The following AIDA variants were observed in gnomAD, a reference collection of about 807,000 sequenced individuals.
The protein encoded by AIDA is axin interactor, dorsalization-associated protein.
AIDA carries 18 observed loss-of-function variants against 42.7 expected under a neutral mutation model. The observed-to-expected ratio is 0.42, with a 90% CI of 0.29 to 0.63. The LOEUF is 0.63. Among genes scored for constraint, AIDA ranks in the 20% least tolerant of loss-of-function variants. The probability of loss-of-function intolerance (pLI) is 0.19; values close to 1 mark genes in which losing one functional copy is unlikely to be tolerated. For missense variants in AIDA, 250 were observed against 354.1 expected (o/e 0.71, Z 2.36); for synonymous variants, 104 against 122.9 (o/e 0.85, Z 1.02).
chr1:222,709,474 G>T (rs1264216186), intron 1 of AIDA, among the ~76,000 whole-genome samples: 2 of 152,136 alleles, frequency 1.3e-5, no homozygotes, highest in African/African-American at 4.8e-5. Flanking sequence ...ATTTTTGATT[G>T]TGGTAAGTAC....
chr1:222,704,907 G>T (rs888825623), intron 1 of AIDA, among the ~76,000 whole-genome samples: 2 of 151,972 alleles, frequency 1.3e-5, no homozygotes, highest in Non-Finnish European at 2.9e-5. Flanking sequence ...TGGGCAATAG[G>T]AACAGGAATA....
chr1:222,694,833 C>A (rs909456161), intron 2 of AIDA, among the ~76,000 whole-genome samples: 2 of 152,060 alleles, frequency 1.3e-5, no homozygotes, highest in African/African-American at 4.8e-5. Context: ...GCTCATGTTG[C>A]ATTAGGAGAG....
At chr1:222,685,244 T>C (rs900302891) in intron 6 of AIDA, among the ~76,000 whole-genome samples, 15 of 152,184 alleles carry the variant, frequency 9.9e-5, no homozygotes, top group Non-Finnish European at 2.9e-5. Flanking sequence ...AAAAATACAA[T>C]GCTAAATGGT....
intron 5 of AIDA, 107 bp from the exon 6 acceptor site, chr1:222,687,143 TG>T: frequency 6.6e-7 from 1 of 1,511,694 alleles, no homozygotes; most frequent in Admixed American, 2.1e-5. Flanking sequence ...AAAAAAATGC[TG>T]ATAGGCCGGG....
intron 6 of AIDA, among the ~76,000 whole-genome samples, chr1:222,677,371 G>T (rs376988542): frequency 6.6e-6 from 1 of 152,030 alleles, no homozygotes; most frequent in Non-Finnish European, 1.5e-5. Context: ...CAAATAAAGG[G>T]ACAGGTTTCC....
rs1388214863 is a variant in AIDA, at chr1:222,669,586, T to C, written c.*307A>G. ...TGAGCACATCCTACCCACAACAGTA[T>C]TGTTCCAGGAAGCAGGGTAGGAGTA... On this transcript the variant is annotated 3_prime_UTR_variant, in exon 10 of 10. Coordinates refer to ENST00000340020, the MANE Select transcript of AIDA (RefSeq NM_022831.4). 2 of 272,838 alleles carry C rather than the reference T, an allele frequency of 7.3e-6. No individual in the cohort carries two copies. Among genetic ancestry groups the C allele is most frequent in the South Asian group, 4.8e-5 (1 of 21,022 alleles). 16.9% of individuals were successfully genotyped at this position (272,838 alleles called of 1,614,324 possible). A position where few individuals can be genotyped will look rare whatever the true frequency, so the allele number is the denominator to read the frequency against.
At chr1:222,672,122 T>G (rs1024060602) in intron 8 of AIDA, among the ~76,000 whole-genome samples, 1 of 152,104 alleles carries the variant, frequency 6.6e-6, no homozygotes, top group Non-Finnish European at 1.5e-5. Flanking sequence ...TAATATCAGT[T>G]AAAACTACAG....
chr1:222,690,158 A>G (rs776777450), intron 4 of AIDA, among the ~76,000 whole-genome samples: 3 of 152,168 alleles, frequency 2.0e-5, no homozygotes, highest in Non-Finnish European at 2.9e-5. Flanking sequence ...TCACCTAAGG[A>G]TGTATTTCCT....
chr1:222,668,935 A>T lies in AIDA; in HGVS notation c.*958T>A, dbSNP rs1319038402. The T allele has an allele frequency of 1.3e-5, 2 of 151,370 alleles. No individual in the cohort carries two copies. The highest frequency in any genetic ancestry group is 4.9e-5 in the African/African-American group (2 of 41,198). 9.4% of individuals were successfully genotyped at this position (151,370 alleles called of 1,614,324 possible). On this transcript the variant is annotated 3_prime_UTR_variant, in exon 10 of 10. Coordinates refer to ENST00000340020, the MANE Select transcript of AIDA (RefSeq NM_022831.4). ...AAATGGCGATCCTATCTACCTATAT[A>T]AAAAAAATAGAATATCTTTCCAGAT...
Position 222,668,731 on chromosome 1 carries a change from T to C in AIDA, c.*1162A>G, listed in dbSNP as rs1664388680. 1 of 133,416 alleles carries C rather than the reference T, an allele frequency of 7.5e-6. No individual in the cohort carries two copies. The highest frequency in any genetic ancestry group is 2.7e-4 in the South Asian group (1 of 3,712). 8.3% of individuals were successfully genotyped at this position (133,416 alleles called of 1,614,324 possible). ...ATTTAAAATAGTGAATATTAAAATA[T>C]GTGGGCTTTACATCTAACCCACAGA... On this transcript the variant is annotated 3_prime_UTR_variant, in exon 10 of 10. Transcript: ENST00000340020.
chr1:222,706,523 A>C (rs965742565), intron 1 of AIDA, among the ~76,000 whole-genome samples: 2 of 152,208 alleles, frequency 1.3e-5, no homozygotes. Flanking sequence ...ACATGCTACA[A>C]CATAGATGAA....
Position 222,692,967 on chromosome 1 carries a change from G to T in AIDA, c.289+822C>A, listed in dbSNP as rs147235263. On this transcript the variant is annotated intron_variant, in intron 4 of 9. Coordinates refer to ENST00000340020, the MANE Select transcript of AIDA (RefSeq NM_022831.4). The stretch of plus-strand genomic sequence containing the variant: ...AACAACCAACCTAGTCCAACATACT[G>T]CAAGTTATAGTCATTAATTTTCCTT... Among the ~76,000 whole-genome samples the T allele has an allele frequency of 1.5e-3, 226 of 152,242 alleles. 6 individuals carry two copies. In the South Asian group the frequency reaches 0.021, roughly 14 times the overall value.
intron 1 of AIDA, among the ~76,000 whole-genome samples, chr1:222,709,884 T>A (rs1465258169): frequency 6.6e-6 from 1 of 152,194 alleles, no homozygotes; most frequent in African/African-American, 2.4e-5. Flanking sequence ...GTCATGAAAT[T>A]GTTTAAGCTA....
intron 2 of AIDA, among the ~76,000 whole-genome samples, chr1:222,698,833 T>G (rs1655597099): frequency 6.6e-6 from 1 of 151,934 alleles, no homozygotes; most frequent in African/African-American, 2.4e-5. Context: ...TGTTTTGTGT[T>G]TGTTTGTTTT....
chr1:222,710,438 C>A (rs896697064), intron 1 of AIDA, among the ~76,000 whole-genome samples: 29 of 152,194 alleles, frequency 1.9e-4, no homozygotes, highest in Admixed American at 2.6e-4. Context: ...TTTGTAATTT[C>A]AATTGGACAT....
At chr1:222,688,746 TG>T (rs1655267909) in intron 4 of AIDA, among the ~76,000 whole-genome samples, 1 of 152,140 alleles carries the variant, frequency 6.6e-6, no homozygotes, top group Non-Finnish European at 1.5e-5. Flanking sequence ...ATTACAGGCA[TG>T]AGCCAACAAA....
At chr1:222,673,493 C>A in intron 7 of AIDA, 58 bp from the exon 8 acceptor site, 1 of 1,435,136 alleles carries the variant, frequency 7.0e-7, no homozygotes, top group South Asian at 1.6e-5. Context: ...TTAAAAACTG[C>A]AGGCCAGGCA....
At chr1:222,707,102 TA>T (rs2124970835) in intron 1 of AIDA, among the ~76,000 whole-genome samples, 1 of 152,162 alleles carries the variant, frequency 6.6e-6, no homozygotes, top group South Asian at 2.1e-4. Flanking sequence ...ATTGTACATG[TA>T]AAATAGATGA....
At chr1:222,703,892 C>A (rs990941339) in intron 1 of AIDA, among the ~76,000 whole-genome samples, 2 of 152,090 alleles carry the variant, frequency 1.3e-5, no homozygotes, top group Non-Finnish European at 2.9e-5. Context: ...CAGCAAAAAA[C>A]TTGTATAGTT....
Sources: gnomAD v4.1 joint callset for allele counts (sites outside exome capture counted in the v4.1 genomes callset) on GRCh38, gnomAD v4.1.1 for gene constraint, MANE v1.5 for transcripts, NCBI Gene and HGNC (gene_info 2026-07-23, HGNC 2026-07-21) for gene names.